The following GLYR1 variants were observed in gnomAD, a reference collection of about 807,000 sequenced individuals.
The protein encoded by GLYR1 is cytokine-like nuclear factor N-PAC.
Under a neutral mutation model 72.7 loss-of-function variants are expected in GLYR1, and 21 were observed. The observed-to-expected ratio is 0.29, with a 90% CI of 0.20 to 0.42. The LOEUF (loss-of-function observed/expected upper bound fraction) is 0.42, where lower values mean the gene tolerates loss of function less well. Among genes scored for constraint, GLYR1 ranks in the 10% least tolerant of loss-of-function variants. GLYR1 has a pLI of 1.00. For synonymous variants in GLYR1, 392 were observed against 270.2 expected (o/e 1.45, Z -4.42); for missense variants, 594 against 712.1 (o/e 0.83, Z 1.89).
Position 4,821,394 on chromosome 16 carries a change from T to C in GLYR1, c.792A>G (p.Thr264=). ...AAAGGTCCTACTTTTTGTCTGTGGG[T>C]GTGATGCTGCCATTCACGGCTGTGC... ...ADSTAVNGSI[T]PTDKKIGFLG... Residue 264 remains threonine (T), a synonymous_variant, in exon 9 of 16, where the codon ACA becomes ACG. Coordinates refer to ENST00000321919, the MANE Select transcript of GLYR1 (RefSeq NM_032569.4). 1 of 1,613,106 alleles carries C rather than the reference T, an allele frequency of 6.2e-7. No individual in the cohort carries two copies. Among genetic ancestry groups the C allele is most frequent in the Non-Finnish European group, 8.5e-7 (1 of 1,180,022 alleles).
intron 10 of GLYR1, 46 bp from the exon 11 acceptor site, chr16:4,814,693 C>G (rs868759557): frequency 7.0e-7 from 1 of 1,428,768 alleles, no homozygotes. Flanking sequence ...CAGTGCACAA[C>G]AAACATGCCA....
chr16:4,843,440 G>T, intron 3 of GLYR1: 1 of 1,208,636 alleles, frequency 8.3e-7, no homozygotes, highest in Non-Finnish European at 1.1e-6. Flanking sequence ...CAGGCCTGAG[G>T]CACCATGCCC....
At chr16:4,833,685 G>A (rs191698796) in intron 3 of GLYR1, among the ~76,000 whole-genome samples, 1 of 151,722 alleles carries the variant, frequency 6.6e-6, no homozygotes, top group Non-Finnish European at 1.5e-5. Context: ...GAGATTAAAG[G>A]TAGAAGAACA....
intron 3 of GLYR1, among the ~76,000 whole-genome samples, chr16:4,834,770 T>A (rs913213540): frequency 6.6e-6 from 1 of 152,184 alleles, no homozygotes; most frequent in African/African-American, 2.4e-5. Flanking sequence ...TCCTTTCCAG[T>A]GACCAACTCA....
At chr16:4,831,265 T>A (rs1035430461) in intron 5 of GLYR1, among the ~76,000 whole-genome samples, 1 of 152,148 alleles carries the variant, frequency 6.6e-6, no homozygotes, top group Non-Finnish European at 1.5e-5. Context: ...ACTTACCTCC[T>A]AATTGGCTCT....
Position 4,837,908 on chromosome 16 carries a change from C to T in GLYR1, c.156-4996G>A, listed in dbSNP as rs532773676. 1.1e-4 allele frequency among the ~76,000 whole-genome samples: 16 copies of T among 150,458 alleles called. No homozygotes were observed. In the East Asian group the frequency reaches 2.4e-3, roughly 22 times the overall value. On this transcript the variant is annotated intron_variant, in intron 3 of 15. Coordinates refer to ENST00000321919, the MANE Select transcript of GLYR1 (RefSeq NM_032569.4). ...ATCGTGCCACTGCATTCCAGCCTGGCGACAGAGCGAGACTCCATCTCAAAA... is the reference window on the plus strand; with the variant it reads ...ATCGTGCCACTGCATTCCAGCCTGGTGACAGAGCGAGACTCCATCTCAAAA...
intron 9 of GLYR1, chr16:4,818,001 C>CT (rs1350881806): frequency 3.6e-5 from 9 of 250,856 alleles, no homozygotes; most frequent in African/African-American, 5.3e-5. Flanking sequence ...CCCTTGCTGC[C>CT]CTTTTTTTTT....
chr16:4,805,173 C>A lies in GLYR1; in HGVS notation c.*63G>T, dbSNP rs1194099935. On this transcript the variant is annotated 3_prime_UTR_variant, in exon 16 of 16. Transcript: ENST00000321919. Reference sequence around the variant, plus strand: ...CCAGAATGAACTCCCAGGCCCCCGACCCCATGTGAGGAAGAGGGGGTCAGA... The same window carrying A: ...CCAGAATGAACTCCCAGGCCCCCGAACCCATGTGAGGAAGAGGGGGTCAGA... 9.3e-6 allele frequency: 13 copies of A among 1,405,320 alleles called. No individual in the cohort carries two copies. The East Asian group carries it at 2.7e-4, about 30-fold the overall frequency. The allele number at this position is 1,405,320 out of a possible 1,614,324, so 87.1% of individuals were successfully genotyped here.
chr16:4,838,812 C>T (rs2085337207), intron 3 of GLYR1, among the ~76,000 whole-genome samples: 1 of 152,088 alleles, frequency 6.6e-6, no homozygotes, highest in Admixed American at 6.6e-5. Context: ...TGGTCTTGAT[C>T]TCCTGACCTC....
intron 5 of GLYR1, among the ~76,000 whole-genome samples, chr16:4,831,699 G>T (rs1212625769): frequency 6.6e-6 from 1 of 152,134 alleles, no homozygotes; most frequent in Middle Eastern, 3.2e-3. Flanking sequence ...AAGATTCGGG[G>T]TCTCACTCCA....
Position 4,812,683 on chromosome 16 carries a change from A to G in GLYR1, c.1120-435T>C, listed in dbSNP as rs545081565. 1.2e-4 allele frequency among the ~76,000 whole-genome samples: 18 copies of G among 151,250 alleles called. No individual in the cohort carries two copies. The South Asian group carries it at 1.9e-3, about 16-fold the overall frequency. On this transcript the variant is annotated intron_variant, in intron 12 of 15. Transcript: ENST00000321919. Reference sequence around the variant, plus strand: ...AATTTTTTGTATTTTTAGTAGAGACAGGTTTCACCATATTAGCCAGGATTG... The same window carrying G: ...AATTTTTTGTATTTTTAGTAGAGACGGGTTTCACCATATTAGCCAGGATTG...
At chr16:4,811,133 C>G (rs762343881) in intron 15 of GLYR1, 37 bp downstream of exon 15, 9 of 1,563,586 alleles carry the variant, frequency 5.8e-6, no homozygotes, top group South Asian at 2.4e-5. Context: ...GAAAAAGAAA[C>G]TGAAGGGCCT....
chr16:4,836,294 T>C (rs1282696024), intron 3 of GLYR1, among the ~76,000 whole-genome samples: 1 of 152,154 alleles, frequency 6.6e-6, no homozygotes, highest in East Asian at 1.9e-4. Flanking sequence ...GCTACAATGC[T>C]CCAGTGCGTA....
intron 1 of GLYR1, 120 bp downstream of exon 1, chr16:4,847,108 C>T (rs1175345404): frequency 9.4e-6 from 9 of 961,478 alleles, no homozygotes; most frequent in Non-Finnish European, 1.4e-5. Context: ...GGCACCTTCT[C>T]TTCCCCTCTC....
At chr16:4,846,333 C>G in intron 1 of GLYR1, 123 bp from the exon 2 acceptor site, 1 of 1,078,594 alleles carries the variant, frequency 9.3e-7, no homozygotes. Flanking sequence ...GAAACAAAAG[C>G]TTTCATAGCT....
rs776768720 is a variant in GLYR1 at position 4,832,055 on chromosome 16, C to G, written c.461G>C (p.Arg154Thr). 1 of 1,614,088 alleles carries G rather than the reference C, an allele frequency of 6.2e-7. No homozygotes were observed. The highest frequency in any genetic ancestry group is 1.3e-5 in the African/African-American group (1 of 74,922). The change falls in exon 5 of 16, where the codon AGA becomes ACA. Residue 154 changes from arginine (R) to threonine (T), a missense_variant. Around this residue, in one of 5 missense-constraint regions of GLYR1, gnomAD observed 252 missense variants for 211.3 expected, o/e 1.19. Transcript: ENST00000321919. ...TCTTTTCAGAGGGGATTTGGAGCCT[C>G]TCTCTGAAGAGCCTGAAGACACCCT... ...KKRVSSGSSE[R>T]GSKSPLKRAQ...
intron 5 of GLYR1, among the ~76,000 whole-genome samples, chr16:4,824,762 CTCTTTCCAGTTTT>C (rs547771967): frequency 2.1e-4 from 32 of 152,260 alleles, no homozygotes; most frequent in Non-Finnish European, 4.6e-4. Context: ...GCAAAGGGTC[CTCTTTCCAGTTTT>C]AACACTGGTC....
chr16:4,821,821 A>G (rs1320498250), intron 7 of GLYR1, among the ~76,000 whole-genome samples: 1 of 152,236 alleles, frequency 6.6e-6, no homozygotes, highest in Non-Finnish European at 1.5e-5. Context: ...TGTTGAGAAT[A>G]AGAGTCATAA....
At chr16:4,845,296 A>G in intron 2 of GLYR1, 143 bp from the exon 3 acceptor site, 1 of 613,336 alleles carries the variant, frequency 1.6e-6, no homozygotes, top group Non-Finnish European at 2.9e-6. Context: ...ATTTATATAC[A>G]AAACAGAACC....
Sources: allele counts gnomAD v4.1 joint callset (sites outside exome capture counted in the v4.1 genomes callset), GRCh38; gene constraint gnomAD v4.1.1; regional missense constraint gnomAD v4.1.1; transcripts MANE v1.5; gene names NCBI Gene and HGNC (gene_info 2026-07-23, HGNC 2026-07-21).